ATAD3C: variants seen among roughly 807,000 people sequenced by gnomAD.
ATAD3C encodes ATPase family AAA domain containing 3C, also known as ATPase family AAA domain-containing protein 3C.
A neutral mutation model predicts 46.3 loss-of-function variants in ATAD3C; 38 were observed. The observed-to-expected ratio is 0.82, with a 90% CI of 0.63 to 1.08. The LOEUF is 1.08. Among genes scored for constraint, ATAD3C ranks in the 50% least tolerant of loss-of-function variants. The pLI, the probability that ATAD3C is intolerant of heterozygous loss-of-function variation, is 0.00. For missense variants in ATAD3C, 563 were observed against 572.7 expected (o/e 0.98, Z 0.17); for synonymous variants, 220 against 236.4 (o/e 0.93, Z 0.63).
intron 4 of ATAD3C, among the ~76,000 whole-genome samples, chr1:1,454,776 T>A (rs1024566148): frequency 6.6e-6 from 1 of 151,500 alleles, no homozygotes; most frequent in Non-Finnish European, 1.5e-5. Context: ...GGGATTTGGG[T>A]GTGCGGCCGT....
In ATAD3C at chr1:1,455,127, G is replaced by A. The variant is rs979144375; in HGVS notation, c.379-333G>A. 8.5e-5 allele frequency among the ~76,000 whole-genome samples: 12 copies of A among 141,390 alleles called. 1 individual carries two copies. The highest frequency in any genetic ancestry group is 3.2e-4 in the African/African-American group (12 of 37,782). 92.8% of individuals were successfully genotyped at this position (141,390 alleles called of 152,430 possible). A position where few individuals can be genotyped will look rare whatever the true frequency, so the allele number is the denominator to read the frequency against. On this transcript the variant is annotated intron_variant, in intron 4 of 11. Coordinates refer to ENST00000378785, the MANE Select transcript of ATAD3C (RefSeq NM_001039211.3). ...AGCTACTCGGGAGGCTGAGGCAGAAGAATGGCTTGAACCTGGGAGATGGAG... is the reference window on the plus strand; with the variant it reads ...AGCTACTCGGGAGGCTGAGGCAGAAAAATGGCTTGAACCTGGGAGATGGAG...
rs1383669096 is a variant in ATAD3C at position 1,450,723 on chromosome 1, C to T, written c.40C>T (p.Gln14Ter). The change falls in exon 1 of 12, where the codon CAG (glutamine) becomes TAG (stop). Residue 14 changes from glutamine (Q) to a stop codon, truncating the protein, a stop_gained. Coordinates refer to ENST00000378785, the MANE Select transcript of ATAD3C (RefSeq NM_001039211.3). LOFTEE classifies it high-confidence loss of function. ...CCTGAATCTGGCGCAGATGCAGGAG[C>T]AGACGCTGCAGTTGGAGCAACAGTC... ...DALNLAQMQE[Q>*]TLQLEQQSKL... is the part of the protein sequence containing the mutation. 3 of 1,613,120 alleles carry T rather than the reference C, an allele frequency of 1.9e-6. No individual in the cohort carries two copies.
At chr1:1,452,820 G>A (rs1269384494) in intron 3 of ATAD3C, among the ~76,000 whole-genome samples, 3 of 130,100 alleles carry the variant, frequency 2.3e-5, no homozygotes, top group Non-Finnish European at 4.6e-5. Context: ...AAGAAAGAAA[G>A]AAAGAAAGAA....
intron 1 of ATAD3C, 127 bp downstream of exon 1, chr1:1,450,885 A>C: frequency 7.1e-7 from 1 of 1,416,302 alleles, no homozygotes; most frequent in Non-Finnish European, 9.6e-7. Context: ...GCCCAGGGCC[A>C]AGCTTGGGCG....
In ATAD3C at chr1:1,451,766, A is replaced by G. The variant is rs770056289; in HGVS notation, c.76-280A>G. 4.6e-5 allele frequency among the ~76,000 whole-genome samples: 7 copies of G among 152,052 alleles called. 1 individual carries two copies. Among genetic ancestry groups the G allele is most frequent in the Non-Finnish European group, 7.4e-5 (5 of 67,978 alleles). On this transcript the variant is annotated intron_variant, in intron 1 of 11. Transcript: ENST00000378785. ...CCTTAAGCCCAGCCTGAATCAGGGCAGTGGTGTTGGGAGGTCGGCCAGCAG... is the reference window on the plus strand; with the variant it reads ...CCTTAAGCCCAGCCTGAATCAGGGCGGTGGTGTTGGGAGGTCGGCCAGCAG...
chr1:1,468,012 G>A (rs1236209915), intron 11 of ATAD3C, among the ~76,000 whole-genome samples: 1 of 151,870 alleles, frequency 6.6e-6, no homozygotes, highest in Non-Finnish European at 1.5e-5. Context: ...AGGGTCTGAG[G>A]GTCTGAGGTG....
chr1:1,467,950 C>T (rs775754712), intron 11 of ATAD3C, among the ~76,000 whole-genome samples: 2 of 152,150 alleles, frequency 1.3e-5, no homozygotes, highest in African/African-American at 2.4e-5. Context: ...CCACCAGCCA[C>T]GTGCCTCAAG....
At chr1:1,455,342 G>T in intron 4 of ATAD3C, 118 bp from the exon 5 acceptor site, 2 of 1,436,738 alleles carry the variant, frequency 1.4e-6, no homozygotes, top group South Asian at 1.3e-5. Context: ...GCTCCAGGCC[G>T]GTCCTGGCTG....
intron 1 of ATAD3C, among the ~76,000 whole-genome samples, chr1:1,451,370 G>A (rs779099608): frequency 2.0e-5 from 3 of 150,178 alleles, no homozygotes; most frequent in South Asian, 2.1e-4. Flanking sequence ...ATTTTGAAAC[G>A]GAGTCTCACT....
chr1:1,462,451 AG>A lies in ATAD3C; in HGVS notation c.981-144del, dbSNP rs1245097398. On this transcript the variant is annotated intron_variant, in intron 10 of 11. Coordinates refer to ENST00000378785, the MANE Select transcript of ATAD3C (RefSeq NM_001039211.3). The surrounding 1 kb of genome is among the most constrained non-coding windows in gnomAD (Gnocchi z 4.5). ...AGCCCAGGCCTGGCTTGCGTCAGGA[AG>A]GGGGCGGAACTTGGCTGTCACAGGT... The A allele has an allele frequency of 1.9e-5, 16 of 826,562 alleles. No homozygotes were observed. The highest frequency in any genetic ancestry group is 3.1e-5 in the Non-Finnish European group (16 of 517,770). The allele number at this position is 826,562 out of a possible 1,614,324, so 51.2% of individuals were successfully genotyped here.
Position 1,454,383 on chromosome 1 carries a change from A to C in ATAD3C, c.261A>C (p.Ser87=), listed in dbSNP as rs948136246. 2.5e-6 allele frequency: 4 copies of C among 1,602,160 alleles called. No individual in the cohort carries two copies. In the African/African-American group the frequency reaches 5.4e-5, roughly 21 times the overall value. Residue 87 remains serine (S), a synonymous_variant, in exon 4 of 12, where the codon TCA becomes TCC. Transcript: ENST00000378785. ...CGCTGCTGGCTGTCGGGGTCTACTC[A>C]GCCAAGAATGCGACAGCCGTCACTG... The part of the protein sequence containing the change: ...GLTLLAVGVY[S]AKNATAVTGR...
In ATAD3C at chr1:1,449,745, G is replaced by A; in HGVS notation, c.-939G>A. The A allele has an allele frequency of 6.6e-6, 1 of 152,002 alleles. No individual in the cohort carries two copies. The highest frequency in any genetic ancestry group is 1.9e-4 in the East Asian group (1 of 5,192). 9.4% of individuals were successfully genotyped at this position (152,002 alleles called of 1,614,324 possible). A position where few individuals can be genotyped will look rare whatever the true frequency, so the allele number is the denominator to read the frequency against. ...TTTTCTCAATGGGCCACCGCGCCCG[G>A]CCAGAAGATTTTTATGGTAAAATTT... On this transcript the variant is annotated 5_prime_UTR_variant, in exon 1 of 12. Coordinates refer to ENST00000378785, the MANE Select transcript of ATAD3C (RefSeq NM_001039211.3).
In ATAD3C at chr1:1,460,756, G is replaced by A. The variant is rs767282071; in HGVS notation, c.819G>A (p.Met273Ile). The A allele has an allele frequency of 1.7e-5, 28 of 1,606,140 alleles. No homozygotes were observed. Among genetic ancestry groups the A allele is most frequent in the Non-Finnish European group, 2.2e-5 (26 of 1,176,034 alleles). The change falls in exon 10 of 12, where the codon ATG (methionine) becomes ATA (isoleucine). Residue 273 changes from methionine to isoleucine, a missense_variant. Physicochemically the swap from Met to Ile is conservative, Grantham distance 10. Transcript: ENST00000378785. ...YRTGQHSNKFMLILASCHPEQ... is the reference protein window; with the variant it reads ...YRTGQHSNKFILILASCHPEQ... ...CCCCATCCCCGCCCCGCAGATTCAT[G>A]CTGATCCTGGCCAGCTGCCACCCCG... is the stretch of plus-strand genomic sequence containing the variant.
chr1:1,465,377 G>C (rs1455169410), intron 11 of ATAD3C, among the ~76,000 whole-genome samples: 3 of 150,862 alleles, frequency 2.0e-5, no homozygotes, highest in Non-Finnish European at 4.4e-5. Context: ...GGATCACAAG[G>C]TCAGGAGATT....
intron 7 of ATAD3C, among the ~76,000 whole-genome samples, chr1:1,456,740 C>T (rs1284304319): frequency 1.3e-5 from 2 of 150,588 alleles, no homozygotes; most frequent in African/African-American, 2.4e-5. Flanking sequence ...CAGCATGGCA[C>T]ACTCCCTTCA....
In ATAD3C at chr1:1,455,533, C is replaced by T. The variant is rs1414647213; in HGVS notation, c.438+14C>T. On this transcript the variant is annotated intron_variant, in intron 5 of 11. Coordinates refer to ENST00000378785, the MANE Select transcript of ATAD3C (RefSeq NM_001039211.3). ...GTTGTGCTTAGTGTAAGTCGGTGTG[C>T]CTGGGACCGGGGAGGCGCAGGGAGG... is the stretch of plus-strand genomic sequence containing the variant. 2 of 1,612,366 alleles carry T rather than the reference C, an allele frequency of 1.2e-6. No homozygotes were observed. The highest frequency in any genetic ancestry group is 1.7e-6 in the Non-Finnish European group (2 of 1,179,510).
At position 1,459,209 on chromosome 1, in the gene ATAD3C, C is replaced by A; in HGVS notation, c.790C>A (p.Arg264Ser). Residue 264 changes from arginine to serine, a missense_variant, in exon 9 of 12, where the codon CGC becomes AGC. Physicochemically the swap from Arg to Ser is moderately radical, Grantham distance 110 (BLOSUM62 -1). This residue lies in a region of ATAD3C where 273 missense variants were observed against 253.5 expected (regional missense o/e 1.08). Transcript: ENST00000378785. This position sits in a 1 kb window ranked among gnomAD's most constrained non-coding sequence, Gnocchi z 4.9. Reference protein sequence around the residue: ...LRATLNAFLYRTGQHSNKFML... With the variant: ...LRATLNAFLYSTGQHSNKFML... Reference sequence around the variant, plus strand: ...GGCCACACTGAACGCCTTCCTGTACCGCACGGGCCAGCACAGCAACAAGTG... The same window carrying A: ...GGCCACACTGAACGCCTTCCTGTACAGCACGGGCCAGCACAGCAACAAGTG... 6.2e-7 allele frequency: 1 copy of A among 1,612,554 alleles called. No homozygotes were observed.
Position 1,463,730 on chromosome 1 carries a change from T to G in ATAD3C, c.1089+1022T>G, listed in dbSNP as rs543635287. On this transcript the variant is annotated intron_variant, in intron 11 of 11. Transcript: ENST00000378785. ...GTTCAGGACCAGCCTGGAAAGCAAG[T>G]CAAGAACCCATCTCTACAAAAAATA... Among the ~76,000 whole-genome samples, 4 of 151,616 alleles carry G rather than the reference T, an allele frequency of 2.6e-5. No homozygotes were observed. The East Asian group carries it at 7.8e-4, about 29-fold the overall frequency.
In ATAD3C at chr1:1,455,596, C is replaced by T. The variant is rs1467693133; in HGVS notation, c.438+77C>T. The T allele has an allele frequency of 1.4e-5, 23 of 1,602,808 alleles. 1 individual carries two copies. In the African/African-American group the frequency reaches 1.5e-4, roughly 10 times the overall value. ...TGGGCTGGGCTGTGGCCCTTGCTGG[C>T]GCTCCTGGTGGCGCCCAGGATCTTT... On this transcript the variant is annotated intron_variant, in intron 5 of 11. Transcript: ENST00000378785.
Sources: gnomAD v4.1 joint callset for allele counts (sites outside exome capture counted in the v4.1 genomes callset) on GRCh38, gnomAD v4.1.1 for gene constraint, gnomAD v4.1.1 regional missense constraint, Gnocchi (gnomAD v3.1) non-coding constraint, MANE v1.5 for transcripts, NCBI Gene and HGNC (gene_info 2026-07-23, HGNC 2026-07-21) for gene names.